CHD1L: variants seen among roughly 807,000 people sequenced by gnomAD.
CHD1L encodes chromodomain helicase DNA binding protein 1 like.
A neutral mutation model predicts 115.9 loss-of-function variants in CHD1L; 118 were observed. The observed-to-expected ratio is 1.02, with a 90% confidence interval of 0.88 to 1.19. The LOEUF is 1.19. Among genes scored for constraint, CHD1L ranks in the 50% most tolerant of loss-of-function variants. The pLI is 0.00. For synonymous variants in CHD1L, 411 were observed against 387.1 expected (o/e 1.06, Z -0.72); for missense variants, 1,179 against 1,065.3 (o/e 1.11, Z -1.49).
the CHD1L span, chr1:147,216,032 G>A: frequency 1.1e-6 from 1 of 917,642 alleles, no homozygotes; most frequent in Non-Finnish European, 1.7e-6. Context: ...TTTTCTGAAA[G>A]AAGTGTCAAT....
At chr1:147,293,875 A>G (rs1389266475) in intron 21 of CHD1L, among the ~76,000 whole-genome samples, 153 bp downstream of exon 21, 1 of 152,142 alleles carries the variant, frequency 6.6e-6, no homozygotes, top group Non-Finnish European at 1.5e-5. Flanking sequence ...TTGTAGTCAT[A>G]TAGCCCCTTG....
the CHD1L span, among the ~76,000 whole-genome samples, chr1:147,194,159 A>T: frequency 6.6e-6 from 1 of 152,080 alleles, no homozygotes; most frequent in Non-Finnish European, 1.5e-5. Context: ...TTTGTAGGTC[A>T]CTAAGGACTT....
chr1:147,196,428 T>G, the CHD1L span, among the ~76,000 whole-genome samples: 1 of 151,808 alleles, frequency 6.6e-6, no homozygotes, highest in East Asian at 1.9e-4. Flanking sequence ...TTCTATTAGC[T>G]AGAAACATGA....
At position 147,279,492 on chromosome 1, in the gene CHD1L, G is replaced by A. The variant is rs587639658; in HGVS notation, c.1540-534G>A. Among the ~76,000 whole-genome samples, 11 of 152,322 alleles carry A rather than the reference G, an allele frequency of 7.2e-5. No individual in the cohort carries two copies. The East Asian group carries it at 2.1e-3, about 29-fold the overall frequency. ...TGAGAAAAGGCCTTCGGGTCTGGTG[G>A]TCAGAAGTTGTTACTGATCTTTGCC... On this transcript the variant is annotated intron_variant, in intron 14 of 22. Coordinates refer to ENST00000369258, the MANE Select transcript of CHD1L (RefSeq NM_004284.6).
the CHD1L span, among the ~76,000 whole-genome samples, chr1:147,221,934 G>A: frequency 6.6e-6 from 1 of 152,194 alleles, no homozygotes; most frequent in Non-Finnish European, 1.5e-5. Flanking sequence ...TTGGGTTAGT[G>A]AGTAGAAGAA....
Position 147,295,504 on chromosome 1 carries a change from C to T in CHD1L, c.2689C>T (p.Pro897Ser). 6 of 1,608,418 alleles carry T rather than the reference C, an allele frequency of 3.7e-6. No individual in the cohort carries two copies. Among genetic ancestry groups the T allele is most frequent in the Non-Finnish European group, 5.1e-6 (6 of 1,176,684 alleles). ...ATCTTCCTCCTCAAGACAGCTGGTG[C>T]CTTAAGAATTGGCCCAGCCTCAGAT... Reference protein sequence around the residue: ...SSSSSSRQLVP With the variant: ...SSSSSSRQLVS The change falls in exon 23 of 23, where the codon CCT becomes TCT. Residue 897 changes from proline (P) to serine (S), a missense_variant. By Grantham distance (74) the Pro-to-Ser change is moderately conservative. Coordinates refer to ENST00000369258, the MANE Select transcript of CHD1L (RefSeq NM_004284.6).
At chr1:147,223,427 G>A in the CHD1L span, 1 of 152,348 alleles carries the variant, frequency 6.6e-6, no homozygotes, top group Non-Finnish European at 1.5e-5. Context: ...CTTTTATGTA[G>A]CTGGCCAACA....
chr1:147,266,589 C>A (rs1447088794), intron 8 of CHD1L, among the ~76,000 whole-genome samples: 1 of 152,212 alleles, frequency 6.6e-6, no homozygotes, highest in Non-Finnish European at 1.5e-5. Flanking sequence ...ACGCCGTCAG[C>A]GTTAGTAGCC....
At chr1:147,251,518 T>C (rs1668395635) in intron 1 of CHD1L, among the ~76,000 whole-genome samples, 1 of 152,078 alleles carries the variant, frequency 6.6e-6, no homozygotes, top group African/African-American at 2.4e-5. Flanking sequence ...GATACTGTAA[T>C]TTATTTATTT....
chr1:147,290,656 TTTTG>T (rs1217548134), intron 19 of CHD1L, among the ~76,000 whole-genome samples: 1 of 151,018 alleles, frequency 6.6e-6, no homozygotes, highest in Non-Finnish European at 1.5e-5. Flanking sequence ...TTTGTCAGAG[TTTTG>T]TTTTATTTTT....
the CHD1L span, among the ~76,000 whole-genome samples, chr1:147,208,156 TCTATTA>T: frequency 6.6e-6 from 1 of 152,214 alleles, no homozygotes; most frequent in Admixed American, 6.5e-5. Context: ...GAGTGTTATT[TCTATTA>T]CTATTACTAT....
chr1:147,233,040 A>G, the CHD1L span, among the ~76,000 whole-genome samples: 9 of 151,004 alleles, frequency 6.0e-5, no homozygotes, highest in African/African-American at 2.2e-4. Context: ...CCGCCATCCC[A>G]TCTAGGAAGT....
the CHD1L span, chr1:147,186,901 T>C: frequency 6.2e-7 from 1 of 1,610,354 alleles, no homozygotes; most frequent in Non-Finnish European, 8.5e-7. Context: ...ATAGGACAAC[T>C]AGAAGTAAGC....
Position 147,287,708 on chromosome 1 carries a change from A to G in CHD1L, c.2295A>G (p.Ile765Met), listed in dbSNP as rs148289715. Residue 765 changes from isoleucine to methionine, a missense_variant, in exon 19 of 23, where the codon ATA (isoleucine) becomes ATG (methionine). Coordinates refer to ENST00000369258, the MANE Select transcript of CHD1L (RefSeq NM_004284.6). ...AGCGATCCGCTGAGCCAAGAAAAAT[A>G]TATGAGCTGGCTGGGAAAATGAAAG... ...LEKRSAEPRK[I>M]YELAGKMKDL... is the part of the protein sequence containing the mutation. 4,694 of 1,614,062 alleles carry G rather than the reference A, an allele frequency of 2.9e-3. 11 individuals are homozygous for G. Among genetic ancestry groups the G allele is most frequent in the Non-Finnish European group, 3.6e-3 (4,290 of 1,179,996 alleles).
chr1:147,287,488 C>G (rs956739949), intron 18 of CHD1L, 147 bp from the exon 19 acceptor site: 9 of 555,330 alleles, frequency 1.6e-5, no homozygotes, highest in African/African-American at 1.5e-4. Context: ...GAAGTCCAAC[C>G]TGTGATATTC....
Position 147,275,152 on chromosome 1 carries a change from C to T in CHD1L, c.1271-202C>T, listed in dbSNP as rs587762480. On this transcript the variant is annotated intron_variant, in intron 12 of 22. Transcript: ENST00000369258. ...GTTCCATTCAGTAATAAAAATTTTC[C>T]CATCAGGCAATAAGAGGTCAGGTAG... Among the ~76,000 whole-genome samples the T allele has an allele frequency of 3.3e-5, 5 of 152,290 alleles. No individual in the cohort carries two copies. In the South Asian group the frequency reaches 1.0e-3, roughly 32 times the overall value.
At chr1:147,246,858 T>C (rs587697005) in intron 1 of CHD1L, among the ~76,000 whole-genome samples, 36 of 152,274 alleles carry the variant, frequency 2.4e-4, no homozygotes, top group Non-Finnish European at 4.6e-4. Flanking sequence ...ATCAATTTTT[T>C]CTCTTATGGA....
rs1251325658 is a variant in CHD1L at position 147,254,983 on chromosome 1, A to C, written c.347+7A>C. ...GGAAAGAAGAAATGCAGAGGTACAG[A>C]GTAGATGTAGCTGAAATTTTATTGT... On this transcript the variant is annotated splice_region_variant and intron_variant, in intron 3 of 22. Coordinates refer to ENST00000369258, the MANE Select transcript of CHD1L (RefSeq NM_004284.6). 2.6e-6 allele frequency: 4 copies of C among 1,550,214 alleles called. No individual in the cohort carries two copies. In the South Asian group the frequency reaches 4.8e-5, roughly 19 times the overall value.
At chr1:147,174,553 A>G in the CHD1L span, 1 of 152,362 alleles carries the variant, frequency 6.6e-6, no homozygotes, top group Non-Finnish European at 1.5e-5. Flanking sequence ...TATCCATGAC[A>G]CTGTTCTGCC....
Sources: allele counts gnomAD v4.1 joint callset (sites outside exome capture counted in the v4.1 genomes callset), GRCh38; gene constraint gnomAD v4.1.1; transcripts MANE v1.5; gene names NCBI Gene and HGNC (gene_info 2026-07-23, HGNC 2026-07-21).